The following LRRC63 variants were observed in gnomAD, a reference collection of about 807,000 sequenced individuals.
The protein encoded by LRRC63 is leucine rich repeat containing 63.
Under a neutral mutation model 49.5 loss-of-function variants are expected in LRRC63, and 40 were observed. The ratio of observed to expected loss-of-function variants is 0.81; its 90% CI spans 0.63 to 1.05. The LOEUF (loss-of-function observed/expected upper bound fraction) is 1.05, where lower values mean the gene tolerates loss of function less well. Among genes scored for constraint, LRRC63 ranks in the 50% least tolerant of loss-of-function variants. LRRC63 has a pLI of 0.00. For synonymous variants in LRRC63, 191 were observed against 221.1 expected (o/e 0.86, Z 1.21); for missense variants, 636 against 663.1 (o/e 0.96, Z 0.45).
intron 8 of LRRC63, among the ~76,000 whole-genome samples, chr13:46,264,847 G>A (rs2047661480): frequency 6.6e-6 from 1 of 152,186 alleles, no homozygotes; most frequent in Non-Finnish European, 1.5e-5. Context: ...TCAACACAGA[G>A]CTATTCTAGC....
intron 5 of LRRC63, among the ~76,000 whole-genome samples, chr13:46,241,845 A>G (rs2047072443): frequency 6.6e-6 from 1 of 152,228 alleles, no homozygotes; most frequent in Non-Finnish European, 1.5e-5. Context: ...TTGTGGAGAA[A>G]AAGGAACATT....
At chr13:46,229,974 G>A (rs1000097596) in intron 4 of LRRC63, among the ~76,000 whole-genome samples, 6 of 152,000 alleles carry the variant, frequency 3.9e-5, no homozygotes, top group Non-Finnish European at 5.9e-5. Context: ...AGTGGTGTGC[G>A]GTACAGGTGC....
chr13:46,221,262 T>G (rs183859140), intron 2 of LRRC63, among the ~76,000 whole-genome samples: 2 of 152,316 alleles, frequency 1.3e-5, no homozygotes, highest in African/African-American at 4.8e-5. Context: ...TTGAATTGGT[T>G]GATAAGAGAA....
At chr13:46,236,923 G>A (rs1455135149) in intron 5 of LRRC63, among the ~76,000 whole-genome samples, 2 of 152,132 alleles carry the variant, frequency 1.3e-5, no homozygotes, top group East Asian at 3.9e-4. Context: ...GGGAGATGAA[G>A]CCATATAGGA....
chr13:46,259,033 G>A (rs569641941), intron 7 of LRRC63, among the ~76,000 whole-genome samples: 6 of 152,132 alleles, frequency 3.9e-5, no homozygotes, highest in African/African-American at 9.6e-5. Flanking sequence ...CTACATTTTC[G>A]TTCCTAAGGT....
At chr13:46,259,613 A>G (rs891475537) in intron 7 of LRRC63, among the ~76,000 whole-genome samples, 5 of 152,188 alleles carry the variant, frequency 3.3e-5, no homozygotes, top group African/African-American at 1.2e-4. Context: ...AATTGTACAC[A>G]TTTATTTTCC....
At chr13:46,275,779 G>A (rs926730397) in intron 9 of LRRC63, among the ~76,000 whole-genome samples, 1 of 151,822 alleles carries the variant, frequency 6.6e-6, no homozygotes, top group Non-Finnish European at 1.5e-5. Context: ...TTCCTCTGCA[G>A]TGCAGTAGGT....
chr13:46,260,284 A>T (rs2138569378), intron 7 of LRRC63, among the ~76,000 whole-genome samples: 1 of 152,348 alleles, frequency 6.6e-6, no homozygotes, highest in South Asian at 2.1e-4. Context: ...GAATTGAAAG[A>T]TAGAGCAAAT....
intron 8 of LRRC63, among the ~76,000 whole-genome samples, chr13:46,264,822 G>A (rs2047660975): frequency 6.6e-6 from 1 of 152,180 alleles, no homozygotes; most frequent in Non-Finnish European, 1.5e-5. Context: ...AGGGTGCTCA[G>A]CTGCCAAGGC....
intron 2 of LRRC63, among the ~76,000 whole-genome samples, chr13:46,222,212 A>G (rs2046426293): frequency 6.8e-6 from 1 of 147,932 alleles, no homozygotes; most frequent in Non-Finnish European, 1.5e-5. Context: ...TTCTAAGGGG[A>G]TTTTTTTTTT....
At chr13:46,228,871 C>A (rs2046658194) in intron 4 of LRRC63, 138 bp downstream of exon 4, 1 of 594,140 alleles carries the variant, frequency 1.7e-6, no homozygotes, top group Admixed American at 3.1e-5. Flanking sequence ...ATTTTCAGCT[C>A]CCTAAGTCAT....
At chr13:46,213,990 A>G (rs986846163) in intron 2 of LRRC63, among the ~76,000 whole-genome samples, 3 of 152,250 alleles carry the variant, frequency 2.0e-5, no homozygotes, top group African/African-American at 7.2e-5. Flanking sequence ...ATATAAGTAA[A>G]TGCAAAATTA....
Position 46,270,395 on chromosome 13 carries a change from G to A in LRRC63, c.1550+3423G>A, listed in dbSNP as rs547792027. 47 of 837,896 alleles carry A rather than the reference G, an allele frequency of 5.6e-5. 2 individuals are homozygous for A. The highest frequency in any genetic ancestry group is 3.7e-4 in the South Asian group (28 of 75,780). The allele number at this position is 837,896 out of a possible 1,614,324, so 51.9% of individuals were successfully genotyped here. A position where few individuals can be genotyped will look rare whatever the true frequency, so the allele number is the denominator to read the frequency against. ...CTGTAAGATTTACTGCTCAGATGGC[G>A]AAGAATATACTGTATCTAGTTGTGT... is the stretch of plus-strand genomic sequence containing the variant. On this transcript the variant is annotated intron_variant, in intron 9 of 9. Coordinates refer to ENST00000595396, the Ensembl canonical transcript of LRRC63.
At chr13:46,270,553 G>T (rs1281841949) in intron 9 of LRRC63, 9 of 839,618 alleles carry the variant, frequency 1.1e-5, no homozygotes, top group South Asian at 5.3e-5. Context: ...TAACAGAAGG[G>T]TTACTGACAC....
At chr13:46,241,956 T>A (rs1017015173) in intron 5 of LRRC63, among the ~76,000 whole-genome samples, 55 of 151,986 alleles carry the variant, frequency 3.6e-4, no homozygotes, top group African/African-American at 1.1e-3. Context: ...TGACCCAGCA[T>A]CCCATTACTG....
chr13:46,245,093 T>C (rs2047177447), intron 5 of LRRC63, among the ~76,000 whole-genome samples: 1 of 152,076 alleles, frequency 6.6e-6, no homozygotes, highest in Admixed American at 6.5e-5. Context: ...AAAAAGAATA[T>C]TACCAAGTAT....
chr13:46,240,786 G>A (rs1049164482), intron 5 of LRRC63, among the ~76,000 whole-genome samples: 4 of 152,132 alleles, frequency 2.6e-5, no homozygotes, highest in Admixed American at 6.5e-5. Flanking sequence ...GGATGTGAAC[G>A]ATCTCTACAA....
chr13:46,243,719 C>T (rs1279432441), intron 5 of LRRC63, among the ~76,000 whole-genome samples: 7 of 152,270 alleles, frequency 4.6e-5, no homozygotes, highest in East Asian at 3.9e-4. Flanking sequence ...TCAGGTGATC[C>T]GCCTACCTCG....
At chr13:46,213,614 G>A (rs2046160585) in intron 2 of LRRC63, among the ~76,000 whole-genome samples, 1 of 152,246 alleles carries the variant, frequency 6.6e-6, no homozygotes, top group Admixed American at 6.5e-5. Context: ...CAAGAAGGCT[G>A]TGATGGGCCT....
Sources: allele counts gnomAD v4.1 joint callset (sites outside exome capture counted in the v4.1 genomes callset), GRCh38; gene constraint gnomAD v4.1.1; transcripts MANE v1.5; gene names NCBI Gene and HGNC (gene_info 2026-07-23, HGNC 2026-07-21).